RORA: variants seen among roughly 807,000 people sequenced by gnomAD.
RORA encodes nuclear receptor ROR-alpha.
A neutral mutation model predicts 69.5 loss-of-function variants in RORA; 7 were observed. That is an observed-to-expected ratio of 0.10 (90% CI 0.06 to 0.19). The LOEUF (loss-of-function observed/expected upper bound fraction) is 0.19, where lower values mean the gene tolerates loss of function less well. Among genes scored for constraint, RORA ranks in the 10% least tolerant of loss-of-function variants. RORA has a pLI of 1.00. For missense variants in RORA, 457 were observed against 663.0 expected, an observed-to-expected ratio of 0.69 and a Z score of 3.41; for synonymous variants, 261 against 240.8, an observed-to-expected ratio of 1.08 and a Z score of -0.78.
chr15:60,691,561 T>C (rs1002428416), intron 1 of RORA, among the ~76,000 whole-genome samples: 10 of 151,910 alleles, frequency 6.6e-5, no homozygotes, highest in Non-Finnish European at 1.3e-4. Flanking sequence ...AAGAGGAGCA[T>C]AGAGGGTGAG....
chr15:60,937,504 G>A (rs898134383), intron 1 of RORA, among the ~76,000 whole-genome samples: 1 of 152,192 alleles, frequency 6.6e-6, no homozygotes, highest in Non-Finnish European at 1.5e-5. Flanking sequence ...AACTGGGTGA[G>A]ATCATTCAGT....
At chr15:61,117,924 T>C (rs1453896325) in intron 1 of RORA, among the ~76,000 whole-genome samples, 1 of 152,190 alleles carries the variant, frequency 6.6e-6, no homozygotes, top group Non-Finnish European at 1.5e-5. Context: ...CACCTTCAAA[T>C]TGCTTGGGCT....
intron 1 of RORA, among the ~76,000 whole-genome samples, chr15:60,869,452 G>A (rs2073528118): frequency 6.6e-6 from 1 of 152,064 alleles, no homozygotes; most frequent in African/African-American, 2.4e-5. Context: ...AATAATGCAG[G>A]GCATGTTTCA....
chr15:60,518,922 T>C (rs1465710161), intron 3 of RORA, among the ~76,000 whole-genome samples: 3 of 152,194 alleles, frequency 2.0e-5, no homozygotes, highest in Non-Finnish European at 2.9e-5. Context: ...GTTACTTGCG[T>C]CAACTGCAGT....
intron 2 of RORA, among the ~76,000 whole-genome samples, chr15:60,550,613 G>A (rs959884295): frequency 6.6e-6 from 1 of 152,072 alleles, no homozygotes; most frequent in Non-Finnish European, 1.5e-5. Context: ...GCTTTCAATG[G>A]AAAAAAATTA....
chr15:60,881,908 T>C (rs2073684382), intron 1 of RORA, among the ~76,000 whole-genome samples: 1 of 152,220 alleles, frequency 6.6e-6, no homozygotes, highest in South Asian at 2.1e-4. Context: ...ATTCAATAAT[T>C]CATCACCTTG....
At chr15:60,571,073 C>T (rs1253810030) in intron 2 of RORA, among the ~76,000 whole-genome samples, 2 of 152,074 alleles carry the variant, frequency 1.3e-5, no homozygotes, top group East Asian at 3.9e-4. Context: ...GGCTTGTCAA[C>T]AGTAGTTTCT....
chr15:61,219,407 T>C (rs1403769405), intron 1 of RORA, among the ~76,000 whole-genome samples: 1 of 152,114 alleles, frequency 6.6e-6, no homozygotes, highest in Non-Finnish European at 1.5e-5. Flanking sequence ...ACCCTGTCTC[T>C]ACTAAAAATA....
intron 2 of RORA, among the ~76,000 whole-genome samples, chr15:60,619,596 TC>T (rs1401511662): frequency 8.5e-5 from 13 of 152,290 alleles, no homozygotes; most frequent in African/African-American, 3.1e-4. Flanking sequence ...ATTAGCTGCT[TC>T]CCTCCTTCCC....
intron 1 of RORA, among the ~76,000 whole-genome samples, chr15:60,788,565 T>A (rs2072372632): frequency 6.6e-6 from 1 of 152,214 alleles, no homozygotes; most frequent in Admixed American, 6.5e-5. Context: ...AGAAGCCGCC[T>A]CAGCAAATGC....
At chr15:61,222,355 C>T in intron 1 of RORA, among the ~76,000 whole-genome samples, 1 of 152,256 alleles carries the variant, frequency 6.6e-6, no homozygotes, top group East Asian at 1.9e-4. Context: ...TAAGGCCATA[C>T]AAATATGTTA....
intron 2 of RORA, chr15:60,544,658 G>A (rs2067013466): frequency 6.6e-6 from 1 of 152,060 alleles, no homozygotes; most frequent in Admixed American, 6.6e-5. Flanking sequence ...TTAATTGAAC[G>A]TGCTAGGACA....
At chr15:60,546,356 T>C (rs888916499) in intron 2 of RORA, 3 of 152,236 alleles carry the variant, frequency 2.0e-5, no homozygotes, top group African/African-American at 4.8e-5. Context: ...ACAAATACTT[T>C]AGCAGTGGCT....
rs1817902331 is a variant in RORA, at chr15:61,147,254, G to T, written c.166+81799C>A. ...CACCACCCAAGAGAACCGTAAAGGTGGAAAGGGGCATTAAAGGAGCTCAGA... is the reference window on the plus strand; with the variant it reads ...CACCACCCAAGAGAACCGTAAAGGTTGAAAGGGGCATTAAAGGAGCTCAGA... On this transcript the variant is annotated intron_variant, in intron 1 of 10. Coordinates refer to ENST00000335670, the MANE Select transcript of RORA (RefSeq NM_134261.3). This position sits in a 1 kb window ranked among gnomAD's most constrained non-coding sequence, Gnocchi z 4.1. Among the ~76,000 whole-genome samples, 1 of 152,196 alleles carries T rather than the reference G, an allele frequency of 6.6e-6. No homozygotes were observed. The highest frequency in any genetic ancestry group is 6.5e-5 in the Admixed American group (1 of 15,286).
At chr15:60,928,141 G>T (rs781265383) in intron 1 of RORA, among the ~76,000 whole-genome samples, 4 of 152,060 alleles carry the variant, frequency 2.6e-5, no homozygotes, top group Non-Finnish European at 5.9e-5. Context: ...TCTTTTCCCT[G>T]AATAAATCCC....
chr15:60,518,406 T>C (rs1030401409), intron 3 of RORA, among the ~76,000 whole-genome samples: 5 of 152,258 alleles, frequency 3.3e-5, no homozygotes, highest in Non-Finnish European at 7.3e-5. Flanking sequence ...TGAGTACTTG[T>C]AGTAACCATA....
At chr15:60,658,000 T>TTC (rs1039106041) in intron 2 of RORA, among the ~76,000 whole-genome samples, 4 of 152,166 alleles carry the variant, frequency 2.6e-5, no homozygotes, top group Non-Finnish European at 2.9e-5. Context: ...TTCGTGGCCT[T>TTC]TCTCTCTCTC....
chr15:60,843,380 G>A (rs182706028), intron 1 of RORA, among the ~76,000 whole-genome samples: 353 of 152,224 alleles, frequency 2.3e-3, no homozygotes, highest in Non-Finnish European at 3.8e-3. Flanking sequence ...TGAGGACATC[G>A]GAGCCTGGAG....
At chr15:60,538,466 A>C (rs766039234) in intron 2 of RORA, among the ~76,000 whole-genome samples, 3 of 150,718 alleles carry the variant, frequency 2.0e-5, no homozygotes, top group Non-Finnish European at 4.4e-5. Flanking sequence ...TTCATGGCAA[A>C]GATTGCGATG....
Sources: gnomAD v4.1 joint callset for allele counts (sites outside exome capture counted in the v4.1 genomes callset) on GRCh38, gnomAD v4.1.1 for gene constraint, Gnocchi (gnomAD v3.1) non-coding constraint, MANE v1.5 for transcripts, NCBI Gene and HGNC (gene_info 2026-07-23, HGNC 2026-07-21) for gene names.